The following CEP112 variants were observed in gnomAD, a reference collection of about 807,000 sequenced individuals.
The protein encoded by CEP112 is centrosomal protein of 112 kDa.
In CEP112, 127 loss-of-function variants were observed where a neutral mutation model predicts 153.0. That is an observed-to-expected ratio of 0.83 (90% CI 0.72 to 0.96). The LOEUF is 0.96. CEP112 is among the 40% of genes least tolerant of loss of function. CEP112 has a pLI of 0.00. For synonymous variants in CEP112, 358 were observed against 374.4 expected (o/e 0.96, Z 0.51); for missense variants, 1,089 against 1,101.2 (o/e 0.99, Z 0.16).
At chr17:65,700,100 TTCC>T (rs375401274) in intron 23 of CEP112, among the ~76,000 whole-genome samples, 1,839 of 151,226 alleles carry the variant, frequency 0.012, 15 homozygotes, top group Non-Finnish European at 0.017. Context: ...CCTCCTCCTC[TTCC>T]TCCTCCTCCT....
intron 23 of CEP112, among the ~76,000 whole-genome samples, chr17:65,702,732 C>G (rs2048703306): frequency 6.6e-6 from 1 of 152,144 alleles, no homozygotes; most frequent in Non-Finnish European, 1.5e-5. Flanking sequence ...ACTCACAGTT[C>G]CACATGGCTG....
At chr17:65,646,950 T>A (rs1263529453) in intron 24 of CEP112, among the ~76,000 whole-genome samples, 2 of 152,180 alleles carry the variant, frequency 1.3e-5, no homozygotes, top group Non-Finnish European at 2.9e-5. Flanking sequence ...CCATTGATTT[T>A]AAAATTTTAG....
rs2066866631 is a variant in CEP112 at position 66,060,123 on chromosome 17, C to T, written c.1074+2840G>A. On this transcript the variant is annotated intron_variant, in intron 11 of 26. Coordinates refer to ENST00000535342, the MANE Select transcript of CEP112 (RefSeq NM_001199165.4). Reference sequence around the variant, plus strand: ...TGGACATAAAAACAGGAACAATAGACACTGGGGACTCCTAGAGGAAAGAGG... The same window carrying T: ...TGGACATAAAAACAGGAACAATAGATACTGGGGACTCCTAGAGGAAAGAGG... 2.0e-5 allele frequency among the ~76,000 whole-genome samples: 3 copies of T among 152,030 alleles called. No homozygotes were observed. The South Asian group carries it at 6.2e-4, about 32-fold the overall frequency.
At chr17:66,079,192 CA>C (rs1362924862) in intron 8 of CEP112, among the ~76,000 whole-genome samples, 3 of 152,148 alleles carry the variant, frequency 2.0e-5, no homozygotes, top group African/African-American at 7.2e-5. Context: ...ATAATCCCAA[CA>C]CTTTGGGAGG....
At chr17:66,074,401 A>G (rs1331386452) in intron 8 of CEP112, among the ~76,000 whole-genome samples, 1 of 152,178 alleles carries the variant, frequency 6.6e-6, no homozygotes, top group African/African-American at 2.4e-5. Flanking sequence ...ATAGAAGCAA[A>G]TAAGAATAGG....
chr17:65,752,433 C>G (rs879888407), intron 21 of CEP112, among the ~76,000 whole-genome samples: 2 of 152,160 alleles, frequency 1.3e-5, no homozygotes, highest in Admixed American at 1.3e-4. Context: ...TCCTGCCAGG[C>G]AGCACAAATC....
chr17:66,035,006 A>T (rs74874438), intron 12 of CEP112, among the ~76,000 whole-genome samples: 4,088 of 81,744 alleles, frequency 0.05, 144 homozygotes, highest in Middle Eastern at 0.099. Flanking sequence ...ATATATATAT[A>T]TATTTTTTTT....
At chr17:65,724,878 C>T (rs2050092027) in intron 23 of CEP112, among the ~76,000 whole-genome samples, 2 of 152,144 alleles carry the variant, frequency 1.3e-5, no homozygotes, top group Non-Finnish European at 2.9e-5. Flanking sequence ...TGCACAGCCC[C>T]TCCTGCTGCC....
intron 12 of CEP112, among the ~76,000 whole-genome samples, chr17:66,030,514 C>T (rs1201781286): frequency 1.3e-5 from 2 of 152,130 alleles, no homozygotes; most frequent in African/African-American, 2.4e-5. Context: ...AAGTGATACA[C>T]TTATTTTTAA....
chr17:65,637,573 C>A (rs1027879430), intron 25 of CEP112, among the ~76,000 whole-genome samples: 10 of 152,206 alleles, frequency 6.6e-5, no homozygotes, highest in African/African-American at 2.4e-4. Flanking sequence ...TCATCCTCCA[C>A]CATTTGGTTT....
At chr17:65,922,912 C>T (rs1256030660) in intron 19 of CEP112, among the ~76,000 whole-genome samples, 1 of 152,114 alleles carries the variant, frequency 6.6e-6, no homozygotes. Context: ...CTTACCACCC[C>T]TTCCTCCCCA....
chr17:65,913,914 G>A, intron 19 of CEP112: 1 of 962,754 alleles, frequency 1.0e-6, no homozygotes, highest in African/African-American at 1.8e-5. Flanking sequence ...TAGGTGATGA[G>A]TGACAATTAT....
chr17:65,665,895 C>T (rs1009921517), intron 24 of CEP112, among the ~76,000 whole-genome samples: 2 of 152,150 alleles, frequency 1.3e-5, no homozygotes, highest in Non-Finnish European at 2.9e-5. Flanking sequence ...AAGGGCCACT[C>T]GATTTAAACT....
At chr17:65,865,487 T>C (rs1022157505) in intron 20 of CEP112, among the ~76,000 whole-genome samples, 14 of 152,182 alleles carry the variant, frequency 9.2e-5, no homozygotes, top group African/African-American at 3.4e-4. Flanking sequence ...ATGGCAGCAA[T>C]GGGCCGTCCA....
chr17:65,817,998 TAGG>T (rs2056358182), intron 21 of CEP112, among the ~76,000 whole-genome samples: 3 of 151,882 alleles, frequency 2.0e-5, no homozygotes, highest in Admixed American at 6.6e-5. Context: ...TTTCATCCAT[TAGG>T]TCCTGATCAA....
In CEP112 at chr17:65,991,277, C is replaced by T. The variant is rs553963938; in HGVS notation, c.1736+14413G>A. Among the ~76,000 whole-genome samples the T allele has an allele frequency of 6.5e-4, 99 of 152,226 alleles. 1 individual carries two copies. Among genetic ancestry groups the T allele is most frequent in the Middle Eastern group, 3.4e-3 (1 of 294 alleles). ...AAGTGGAATCCAAGTTGATTTCATA[C>T]ATGTCAAATATTTCCCTCTTGCTCC... On this transcript the variant is annotated intron_variant, in intron 17 of 26. Coordinates refer to ENST00000535342, the MANE Select transcript of CEP112 (RefSeq NM_001199165.4).
intron 6 of CEP112, among the ~76,000 whole-genome samples, chr17:66,124,657 T>G (rs933148541): frequency 1.3e-5 from 2 of 152,072 alleles, no homozygotes; most frequent in Non-Finnish European, 2.9e-5. Flanking sequence ...CATCCATGCC[T>G]GCTACACAAT....
chr17:65,755,900 A>C lies in CEP112; in HGVS notation c.2395-5176T>G, dbSNP rs139552086. 1.4e-3 allele frequency among the ~76,000 whole-genome samples: 210 copies of C among 152,310 alleles called. 5 individuals are homozygous for C. The East Asian group carries it at 0.037, about 27-fold the overall frequency. On this transcript the variant is annotated intron_variant, in intron 21 of 26. Coordinates refer to ENST00000535342, the MANE Select transcript of CEP112 (RefSeq NM_001199165.4). ...GTCTTGAGTTTATGGTTTAAGGTCTAGGTTAAAACTATGAATTCAGAAGTC... is the reference window on the plus strand; with the variant it reads ...GTCTTGAGTTTATGGTTTAAGGTCTCGGTTAAAACTATGAATTCAGAAGTC...
intron 5 of CEP112, among the ~76,000 whole-genome samples, chr17:66,130,550 C>G (rs2070093348): frequency 6.6e-6 from 1 of 151,908 alleles, no homozygotes; most frequent in African/African-American, 2.4e-5. Flanking sequence ...CCGAGGCGGG[C>G]AGATCACGAG....
Sources: allele counts gnomAD v4.1 joint callset (sites outside exome capture counted in the v4.1 genomes callset), GRCh38; gene constraint gnomAD v4.1.1; transcripts MANE v1.5; gene names NCBI Gene and HGNC (gene_info 2026-07-23, HGNC 2026-07-21).